PHLPP2: variants seen among roughly 807,000 people sequenced by gnomAD.
The protein encoded by PHLPP2 is PH domain and leucine rich repeat protein phosphatase 2.
A neutral mutation model predicts 124.9 loss-of-function variants in PHLPP2; 66 were observed. The ratio of observed to expected loss-of-function variants is 0.53; its 90% confidence interval spans 0.43 to 0.65. The LOEUF (loss-of-function observed/expected upper bound fraction) is 0.65, where lower values mean the gene tolerates loss of function less well. Ranked by LOEUF, PHLPP2 falls within the 30% of genes least tolerant of loss-of-function variation. The probability of loss-of-function intolerance (pLI) is 0.00; values close to 1 mark genes in which losing one functional copy is unlikely to be tolerated. For missense variants in PHLPP2, 1,685 were observed against 1,600.4 expected (o/e 1.05, Z -0.90); for synonymous variants, 681 against 624.7 (o/e 1.09, Z -1.34).
chr16:71,704,321 A>AAAAAAAAAAAC (rs1555548338), intron 2 of PHLPP2, among the ~76,000 whole-genome samples: 1 of 151,204 alleles, frequency 6.6e-6, no homozygotes, highest in African/African-American at 2.4e-5. Context: ...AAAAAAAAAA[A>AAAAAAAAAAAC]AAAACTTAAT....
intron 2 of PHLPP2, 64 bp downstream of exon 2, chr16:71,714,448 C>T: frequency 6.8e-7 from 1 of 1,479,414 alleles, no homozygotes; most frequent in Non-Finnish European, 9.0e-7. Flanking sequence ...AAGTCCAGTT[C>T]TAAGCAGAAA....
chr16:71,645,870 T>C lies in PHLPP2; in HGVS notation c.*3020A>G, dbSNP rs1486642221. The C allele has an allele frequency of 1.3e-5, 2 of 152,484 alleles. No homozygotes were observed. Among genetic ancestry groups the C allele is most frequent in the Non-Finnish European group, 2.9e-5 (2 of 68,040 alleles). The allele number at this position is 152,484 out of a possible 1,614,324, so 9.4% of individuals were successfully genotyped here. A position where few individuals can be genotyped will look rare whatever the true frequency, so the allele number is the denominator to read the frequency against. On this transcript the variant is annotated 3_prime_UTR_variant, in exon 19 of 19. Transcript: ENST00000568954. ...TCATACCAACATTCAAATATTCAAA[T>C]ATCCTTCCAATCCATTTGGACAAAA...
intron 6 of PHLPP2, among the ~76,000 whole-genome samples, chr16:71,680,278 C>G (rs1310695710): frequency 1.3e-5 from 2 of 152,254 alleles, no homozygotes; most frequent in East Asian, 3.9e-4. Context: ...GATCAAATCC[C>G]ATTTATAAGC....
chr16:71,679,616 G>T, intron 6 of PHLPP2, 81 bp from the exon 7 acceptor site: 1 of 1,159,122 alleles, frequency 8.6e-7, no homozygotes, highest in South Asian at 1.3e-5. Flanking sequence ...AACGGCCTTT[G>T]ATATCTATTT....
intron 7 of PHLPP2, among the ~76,000 whole-genome samples, 186 bp from the exon 8 acceptor site, chr16:71,679,171 C>T (rs2044974100): frequency 6.6e-6 from 1 of 152,262 alleles, no homozygotes; most frequent in East Asian, 1.9e-4. Context: ...ATGGTCCCTC[C>T]AACATTAAAA....
chr16:71,714,639 A>G lies in PHLPP2; in HGVS notation c.157T>C (p.Ser53Pro). Residue 53 changes from serine to proline, a missense_variant, in exon 2 of 19, where the codon TCT becomes CCT. By Grantham distance (74) the Ser-to-Pro change is moderately conservative. Coordinates refer to ENST00000568954, the MANE Select transcript of PHLPP2 (RefSeq NM_015020.3). Reference protein sequence around the residue: ...ATTTTTTSSSSSSSSSSSDLH... With the variant: ...ATTTTTTSSSPSSSSSSSDLH... ...TCAGAGGAAGAGGAGGAGGAGGAAG[A>G]GGAAGAGGAGGTGGTGGTGGTTGTA... 3 of 1,613,774 alleles carry G rather than the reference A, an allele frequency of 1.9e-6. No homozygotes were observed. In the South Asian group the frequency reaches 3.3e-5, roughly 18 times the overall value.
intron 9 of PHLPP2, among the ~76,000 whole-genome samples, chr16:71,674,190 G>C (rs2044922299): frequency 6.6e-6 from 1 of 151,164 alleles, no homozygotes; most frequent in South Asian, 2.1e-4. Flanking sequence ...CAATTCTCCT[G>C]CCTTAGCCTC....
chr16:71,646,500 G>C lies in PHLPP2; in HGVS notation c.*2390C>G, dbSNP rs972033544. 1 of 152,084 alleles carries C rather than the reference G, an allele frequency of 6.6e-6. No individual in the cohort carries two copies. The highest frequency in any genetic ancestry group is 2.4e-5 in the African/African-American group (1 of 41,400). The allele number at this position is 152,084 out of a possible 1,614,324, so 9.4% of individuals were successfully genotyped here. ...GGTTTTGAGGTGGTTCCAATAAGTA[G>C]GTTGGGAAACGAATAGCAGACAAGA... On this transcript the variant is annotated 3_prime_UTR_variant, in exon 19 of 19. Transcript: ENST00000568954.
At chr16:71,723,813 CG>C in intron 1 of PHLPP2, 2 of 1,284,120 alleles carry the variant, frequency 1.6e-6, no homozygotes, top group African/African-American at 1.6e-5. Context: ...GCGGGCGCTT[CG>C]GGCGGCTCCG....
rs200359308 is a variant in PHLPP2, at chr16:71,679,464, A to G, written c.962T>C (p.Ile321Thr). The G allele has an allele frequency of 1.4e-5, 22 of 1,613,494 alleles. No individual in the cohort carries two copies. Among genetic ancestry groups the G allele is most frequent in the Non-Finnish European group, 1.8e-5 (21 of 1,179,536 alleles). Residue 321 changes from isoleucine (I) to threonine (T), a missense_variant, in exon 7 of 19, where the codon ATC (isoleucine) becomes ACC (threonine). Ile to Thr is a moderately conservative substitution (Grantham distance 89). Transcript: ENST00000568954. ...LGLFPILLCEISTLTELNLSC... is the reference protein window; with the variant it reads ...LGLFPILLCETSTLTELNLSC... ...AAGGTTGAGCTCAGTCAGGGTAGAG[A>G]TCTCGCATAACAATATAGGAAACAA...
chr16:71,709,168 C>G (rs1950063735), intron 2 of PHLPP2, among the ~76,000 whole-genome samples: 1 of 152,028 alleles, frequency 6.6e-6, no homozygotes, highest in Admixed American at 6.5e-5. Context: ...AGCACAAAAA[C>G]ATGTAGGAAA....
chr16:71,692,873 G>A (rs1466749700), intron 3 of PHLPP2, among the ~76,000 whole-genome samples: 2 of 151,768 alleles, frequency 1.3e-5, no homozygotes, highest in African/African-American at 4.8e-5. Flanking sequence ...ATGGACGACT[G>A]ACTGTATTCT....
At chr16:71,694,613 T>C (rs1019500743) in intron 3 of PHLPP2, among the ~76,000 whole-genome samples, 1 of 152,008 alleles carries the variant, frequency 6.6e-6, no homozygotes, top group Non-Finnish European at 1.5e-5. Flanking sequence ...ATATTCAGAA[T>C]ACATGCAGAA....
intron 2 of PHLPP2, among the ~76,000 whole-genome samples, chr16:71,704,307 C>CAAA (rs56882820): frequency 0.041 from 4,015 of 98,396 alleles, 297 homozygotes; most frequent in African/African-American, 0.15. Flanking sequence ...GACTCTGTCT[C>CAAA]AAAAAAAAAA....
chr16:71,723,249 C>A (rs1203664992), intron 1 of PHLPP2: 1 of 152,334 alleles, frequency 6.6e-6, no homozygotes, highest in East Asian at 1.9e-4. Flanking sequence ...GCAGAGGAGC[C>A]GGCTCCACCC....
chr16:71,658,668 C>G lies in PHLPP2; in HGVS notation c.2133G>C (p.Gln711His), dbSNP rs1187182408. The change falls in exon 14 of 19, where the codon CAG becomes CAC. Residue 711 changes from glutamine (Q) to histidine (H), a missense_variant. Gln to His is a conservative substitution (Grantham distance 24). Transcript: ENST00000568954. Reference sequence around the variant, plus strand: ...ACAGAAGTACCTGGATCTGAGGCAACTGCAGTATTTCTGGGAAAATGCTGA... The same window carrying G: ...ACAGAAGTACCTGGATCTGAGGCAAGTGCAGTATTTCTGGGAAAATGCTGA... Reference protein sequence around the residue: ...NNISIFPEILQLPQIQFVDLS... With the variant: ...NNISIFPEILHLPQIQFVDLS... The G allele has an allele frequency of 1.2e-6, 2 of 1,614,112 alleles. No homozygotes were observed. The highest frequency in any genetic ancestry group is 1.1e-5 in the South Asian group (1 of 91,056).
intron 15 of PHLPP2, 67 bp from the exon 16 acceptor site, chr16:71,656,748 A>G (rs2044745295): frequency 1.0e-6 from 1 of 959,816 alleles, no homozygotes; most frequent in Admixed American, 1.9e-5. Flanking sequence ...TCCCAACAAT[A>G]GTATTCTTTT....
intron 14 of PHLPP2, 36 bp from the exon 15 acceptor site, chr16:71,658,399 C>G (rs1219683242): frequency 6.3e-7 from 1 of 1,591,140 alleles, no homozygotes; most frequent in Non-Finnish European, 8.6e-7. Context: ...GAAAATACAT[C>G]ACAGAGACTT....
rs1477606881 is a variant in PHLPP2 at position 71,713,249 on chromosome 16, T to G, written c.284+1263A>C. Among the ~76,000 whole-genome samples, 6 of 152,210 alleles carry G rather than the reference T, an allele frequency of 3.9e-5. No homozygotes were observed. The East Asian group carries it at 1.2e-3, about 29-fold the overall frequency. Reference sequence around the variant, plus strand: ...TTATGATTCTCTAATTTTAAAACTTTTAACAATCATTTCTATTTAAGAGCA... The same window carrying G: ...TTATGATTCTCTAATTTTAAAACTTGTAACAATCATTTCTATTTAAGAGCA... On this transcript the variant is annotated intron_variant, in intron 2 of 18. Transcript: ENST00000568954.
Sources: allele counts gnomAD v4.1 joint callset (sites outside exome capture counted in the v4.1 genomes callset), GRCh38; gene constraint gnomAD v4.1.1; transcripts MANE v1.5; gene names NCBI Gene and HGNC (gene_info 2026-07-23, HGNC 2026-07-21).